Variants in HIPK3 observed in about 807,000 individuals in gnomAD.
The protein encoded by HIPK3 is homeodomain-interacting protein kinase 3.
In HIPK3, 47 loss-of-function variants were observed where a neutral mutation model predicts 124.2. That is an observed-to-expected ratio of 0.38 (90% CI 0.30 to 0.48). The LOEUF (loss-of-function observed/expected upper bound fraction) is 0.48. Among genes scored for constraint, HIPK3 ranks in the 20% least tolerant of loss-of-function variants. The pLI is 0.98. For missense variants in HIPK3, 1,286 were observed against 1,454.3 expected (o/e 0.88, Z 1.88); for synonymous variants, 482 against 515.2 (o/e 0.94, Z 0.87).
At chr11:33,337,003 A>C in intron 3 of HIPK3, 72 bp from the exon 4 acceptor site, 2 of 1,089,212 alleles carry the variant, frequency 1.8e-6, no homozygotes, top group Non-Finnish European at 2.7e-6. Flanking sequence ...CCTAACATAT[A>C]GCCTAGTGTC....
chr11:33,286,202 G>A (rs1211087050), intron 1 of HIPK3, among the ~76,000 whole-genome samples: 2 of 152,046 alleles, frequency 1.3e-5, no homozygotes, highest in African/African-American at 4.8e-5. Flanking sequence ...AATAGCTGAA[G>A]CACCAATTAA....
At chr11:33,319,971 T>G (rs747184990) in intron 2 of HIPK3, among the ~76,000 whole-genome samples, 2 of 152,260 alleles carry the variant, frequency 1.3e-5, no homozygotes, top group Non-Finnish European at 2.9e-5. Context: ...TCTAGTAATA[T>G]GACTGTTAAG....
intron 8 of HIPK3, among the ~76,000 whole-genome samples, chr11:33,346,174 A>G (rs1347293382): frequency 2.0e-5 from 3 of 152,188 alleles, no homozygotes; most frequent in East Asian, 1.9e-4. Flanking sequence ...TCAGAGTTCA[A>G]TATTATAAGA....
chr11:33,322,147 T>C (rs976873759), intron 2 of HIPK3, among the ~76,000 whole-genome samples: 7 of 151,972 alleles, frequency 4.6e-5, no homozygotes, highest in Admixed American at 3.9e-4. Context: ...CTACAGGCGC[T>C]TGCCACCACA....
chr11:33,316,903 C>T (rs1852518899), intron 2 of HIPK3, among the ~76,000 whole-genome samples: 1 of 152,128 alleles, frequency 6.6e-6, no homozygotes, highest in African/African-American at 2.4e-5. Flanking sequence ...TAATTTGATA[C>T]TTATAGTAAG....
At chr11:33,348,285 T>C in intron 12 of HIPK3, 57 bp downstream of exon 12, 3 of 1,479,544 alleles carry the variant, frequency 2.0e-6, no homozygotes, top group Non-Finnish European at 2.8e-6. Flanking sequence ...GTAGCAATTG[T>C]GGACATTCAG....
chr11:33,353,514 A>C lies in HIPK3; in HGVS notation c.3594A>C (p.Ala1198=). The stretch of plus-strand genomic sequence containing the variant: ...ATTCTTACATTGCAGCATCACCTGC[A>C]TATACTGGATTTCCACTGAGTCCAA... ...PPHSYIAASP[A]YTGFPLSPTK... Residue 1198 remains alanine, a synonymous_variant, in exon 17 of 17, where the codon GCA becomes GCC. Transcript: ENST00000303296. 6.2e-7 allele frequency: 1 copy of C among 1,614,126 alleles called. No homozygotes were observed. Among genetic ancestry groups the C allele is most frequent in the Non-Finnish European group, 8.5e-7 (1 of 1,179,938 alleles).
chr11:33,290,331 TC>T (rs1296369613), intron 2 of HIPK3, among the ~76,000 whole-genome samples: 1 of 152,172 alleles, frequency 6.6e-6, no homozygotes, highest in African/African-American at 2.4e-5. Context: ...GATTTTTTTT[TC>T]AATATACAAG....
In HIPK3 at chr11:33,347,937, C is replaced by G. The variant is rs761224457; in HGVS notation, c.2230C>G (p.Pro744Ala). ...TNQITLSAPQ[P>A]VSVGIAHVVW... The stretch of plus-strand genomic sequence containing the variant: ...TCAGATAACTTTATCTGCCCCTCAG[C>G]CAGTTAGTGTGGGGATTGCACATGT... The change falls in exon 11 of 17, where the codon CCA (proline) becomes GCA (alanine). Residue 744 changes from proline to alanine, a missense_variant. This residue lies in a region of HIPK3 where 810 missense variants were observed against 864.9 expected (regional missense o/e 0.94). Transcript: ENST00000303296. 1 of 1,614,082 alleles carries G rather than the reference C, an allele frequency of 6.2e-7. No individual in the cohort carries two copies. The highest frequency in any genetic ancestry group is 8.5e-7 in the Non-Finnish European group (1 of 1,179,928).
chr11:33,356,593 C>G lies in HIPK3; in HGVS notation c.*3025C>G, dbSNP rs1853823478. ...ATTTTTAAAATCTGCTAATTTTAAA[C>G]TTGGACTGTGTTAAGTAAAAGTTAA... On this transcript the variant is annotated 3_prime_UTR_variant, in exon 17 of 17. Coordinates refer to ENST00000303296, the MANE Select transcript of HIPK3 (RefSeq NM_005734.5). 6.6e-6 allele frequency: 1 copy of G among 151,588 alleles called. No individual in the cohort carries two copies. The highest frequency in any genetic ancestry group is 1.5e-5 in the Non-Finnish European group (1 of 67,870). 9.4% of individuals were successfully genotyped at this position (151,588 alleles called of 1,614,324 possible).
chr11:33,321,628 G>C (rs1259596663), intron 2 of HIPK3, among the ~76,000 whole-genome samples: 5 of 152,172 alleles, frequency 3.3e-5, no homozygotes, highest in African/African-American at 1.2e-4. Context: ...TTTTAGTAAA[G>C]TAGAATACAA....
intron 15 of HIPK3, 107 bp downstream of exon 15, chr11:33,351,950 C>T (rs1005401779): frequency 2.3e-5 from 25 of 1,067,842 alleles, no homozygotes; most frequent in Non-Finnish European, 3.3e-5. Context: ...TGACTTGACC[C>T]TGCCTTATGT....
intron 1 of HIPK3, among the ~76,000 whole-genome samples, chr11:33,283,459 GTCTTAATT>G: frequency 6.6e-6 from 1 of 152,118 alleles, no homozygotes; most frequent in Admixed American, 6.6e-5. Context: ...TGAACATCAA[GTCTTAATT>G]TGTCTAGTAA....
chr11:33,294,301 GTAAAAAA>G (rs1303588633), intron 2 of HIPK3, among the ~76,000 whole-genome samples: 88 of 296 alleles, frequency 0.3, no homozygotes, highest in African/African-American at 0.41. Context: ...GAAAAAAGTT[GTAAAAAA>G]TAGTACAAAG....
intron 2 of HIPK3, among the ~76,000 whole-genome samples, chr11:33,326,455 T>A (rs573638037): frequency 6.6e-6 from 1 of 152,280 alleles, no homozygotes; most frequent in African/African-American, 2.4e-5. Context: ...CCAATAGTAA[T>A]GAGGATCCAT....
chr11:33,348,700 T>G lies in HIPK3; in HGVS notation c.2548T>G (p.Ser850Ala). Residue 850 changes from serine to alanine, a missense_variant, in exon 13 of 17, where the codon TCA (serine) becomes GCA (alanine). Ser to Ala is a moderately conservative substitution (Grantham distance 99). Coordinates refer to ENST00000303296, the MANE Select transcript of HIPK3 (RefSeq NM_005734.5). Reference protein sequence around the residue: ...SIRQDSDSSVSDKQRQTIIIA... With the variant: ...SIRQDSDSSVADKQRQTIIIA... ...CAGACAGGACTCTGATTCATCAGTT[T>G]CAGACAAACAGCGGCAAACCATCAT... 2 of 1,614,184 alleles carry G rather than the reference T, an allele frequency of 1.2e-6. No homozygotes were observed. Among genetic ancestry groups the G allele is most frequent in the African/African-American group, 1.3e-5 (1 of 75,042 alleles).
chr11:33,259,535 A>G (rs115999502), intron 1 of HIPK3, among the ~76,000 whole-genome samples: 283 of 152,314 alleles, frequency 1.9e-3, no homozygotes, highest in African/African-American at 6.3e-3. Context: ...AGTAATTGCA[A>G]TTTTACCAGC....
intron 3 of HIPK3, among the ~76,000 whole-genome samples, chr11:33,334,723 C>A (rs1165701008): frequency 1.3e-5 from 2 of 152,090 alleles, no homozygotes; most frequent in African/African-American, 4.8e-5. Context: ...GGACCTCATG[C>A]AGCCCCTGGG....
chr11:33,275,257 C>G (rs550297944), intron 1 of HIPK3, among the ~76,000 whole-genome samples: 2 of 152,076 alleles, frequency 1.3e-5, no homozygotes, highest in Non-Finnish European at 2.9e-5. Flanking sequence ...TCAGGTGGGT[C>G]TTGAACTCCT....
Sources: gnomAD v4.1 joint callset for allele counts (sites outside exome capture counted in the v4.1 genomes callset) on GRCh38, gnomAD v4.1.1 for gene constraint, gnomAD v4.1.1 regional missense constraint, MANE v1.5 for transcripts, NCBI Gene and HGNC (gene_info 2026-07-23, HGNC 2026-07-21) for gene names.